Variants in ACOT2 observed in about 807,000 individuals in gnomAD.
ACOT2 encodes the protein acyl-coenzyme A thioesterase 2, mitochondrial.
ACOT2 carries 15 observed loss-of-function variants against 20.1 expected under a neutral mutation model. That is an observed-to-expected ratio of 0.75 (90% CI 0.50 to 1.15). The LOEUF (loss-of-function observed/expected upper bound fraction) is 1.15, where lower values mean the gene tolerates loss of function less well. ACOT2 is among the 50% of genes most tolerant of loss of function. The pLI, the probability that ACOT2 is intolerant of heterozygous loss-of-function variation, is 0.00. For missense variants in ACOT2, 479 were observed against 615.3 expected (o/e 0.78, Z 2.34); for synonymous variants, 252 against 268.4 (o/e 0.94, Z 0.60).
chr14:73,573,719 CACTTCTT>C (rs1187121558), intron 2 of ACOT2, 129 bp downstream of exon 2: 1 of 1,128,904 alleles, frequency 8.9e-7, no homozygotes, highest in African/African-American at 1.6e-5. Flanking sequence ...CTTTTTTAGT[CACTTCTT>C]ATAGACAGTT....
At chr14:73,569,998 T>G in intron 1 of ACOT2, 115 bp downstream of exon 1, 8 of 1,415,044 alleles carry the variant, frequency 5.7e-6, no homozygotes, top group Non-Finnish European at 7.4e-6. Context: ...CGGGCTATAT[T>G]GCCCAGGCAG....
In ACOT2 at chr14:73,575,414, G is replaced by A; in HGVS notation, c.1353G>A (p.Arg451=). ...CTATTATCTGGGGAGGGGAGCCCAGGGCTCATGCCATGGCTCAGGTGGATG... is the reference window on the plus strand; with the variant it reads ...CTATTATCTGGGGAGGGGAGCCCAGAGCTCATGCCATGGCTCAGGTGGATG... The part of the protein sequence containing the change: ...GSPIIWGGEP[R]AHAMAQVDAW... The change falls in exon 3 of 3, where the codon AGG becomes AGA. Residue 451 remains arginine, a synonymous_variant. Transcript: ENST00000238651. 1.5e-6 allele frequency: 2 copies of A among 1,337,250 alleles called. No individual in the cohort carries two copies. Among genetic ancestry groups the A allele is most frequent in the Non-Finnish European group, 2.0e-6 (2 of 997,324 alleles). The allele number at this position is 1,337,250 out of a possible 1,614,324, so 82.8% of individuals were successfully genotyped here.
upstream of ACOT2, chr14:73,568,105 A>G (rs1444698051): frequency 6.6e-6 from 1 of 152,094 alleles, no homozygotes; most frequent in Non-Finnish European, 1.5e-5. Flanking sequence ...CTAGGCACAG[A>G]ACATACTTGA....
In ACOT2 at chr14:73,574,559, G is replaced by A. The variant is rs539355321; in HGVS notation, c.847-349G>A. 2.0e-4 allele frequency among the ~76,000 whole-genome samples: 31 copies of A among 152,078 alleles called. 1 individual carries two copies. The highest frequency in any genetic ancestry group is 4.2e-4 in the South Asian group (2 of 4,806). On this transcript the variant is annotated intron_variant, in intron 2 of 2. Transcript: ENST00000238651. ...ATTACAGGCGTCAGCCACCACTCCCGGCCATGAGATGATGTACTTGTTGAT... is the reference window on the plus strand; with the variant it reads ...ATTACAGGCGTCAGCCACCACTCCCAGCCATGAGATGATGTACTTGTTGAT...
Position 73,573,852 on chromosome 14 carries a change from G to A in ACOT2, c.846+262G>A, listed in dbSNP as rs966235479. Among the ~76,000 whole-genome samples the A allele has an allele frequency of 7.2e-5, 11 of 151,858 alleles. No homozygotes were observed. The South Asian group carries it at 1.3e-3, about 17-fold the overall frequency. ...AGTGATTCTTGTGCCCCACCCTCCC[G>A]AGTAGTTGGGATTACAGGCACCTGC... is the stretch of plus-strand genomic sequence containing the variant. On this transcript the variant is annotated intron_variant, in intron 2 of 2. Transcript: ENST00000238651.
At chr14:73,572,813 T>G (rs1377998959) in intron 1 of ACOT2, among the ~76,000 whole-genome samples, 1 of 149,376 alleles carries the variant, frequency 6.7e-6, no homozygotes, top group Admixed American at 6.7e-5. Context: ...ACCCAGCTAA[T>G]TTTTGTATTT....
rs138474239 is a variant in ACOT2, at chr14:73,573,450, C to T, written c.706C>T (p.Arg236Trp). 190 of 1,613,688 alleles carry T rather than the reference C, an allele frequency of 1.2e-4. No homozygotes were observed. The highest frequency in any genetic ancestry group is 1.6e-4 in the Middle Eastern group (1 of 6,062). Residue 236 changes from arginine (R) to tryptophan (W), a missense_variant, in exon 2 of 3, where the codon CGG becomes TGG. Coordinates refer to ENST00000238651, the MANE Select transcript of ACOT2 (RefSeq NM_006821.6). Reference sequence around the variant, plus strand: ...AACTGGAGGTGGCCTGCTGGAGTATCGGGCTAGTCTGCTGGCTGGGAAGGG... The same window carrying T: ...AACTGGAGGTGGCCTGCTGGAGTATTGGGCTAGTCTGCTGGCTGGGAAGGG... ...FGTGGGLLEY[R>W]ASLLAGKGFA...
In ACOT2 at chr14:73,575,630, C is replaced by T; in HGVS notation, c.*117C>T. The stretch of plus-strand genomic sequence containing the variant: ...TTTAATAACTAAAGTTTTTTCCCCT[C>T]ATTATTAAAATGAATTTACCAGTAA... On this transcript the variant is annotated 3_prime_UTR_variant, in exon 3 of 3. Coordinates refer to ENST00000238651, the MANE Select transcript of ACOT2 (RefSeq NM_006821.6). 1.3e-6 allele frequency: 2 copies of T among 1,545,746 alleles called. No individual in the cohort carries two copies. Among genetic ancestry groups the T allele is most frequent in the Non-Finnish European group, 1.7e-6 (2 of 1,151,756 alleles).
At chr14:73,570,420 G>C (rs1042762815) in intron 1 of ACOT2, among the ~76,000 whole-genome samples, 1 of 151,780 alleles carries the variant, frequency 6.6e-6, no homozygotes, top group Non-Finnish European at 1.5e-5. Flanking sequence ...ATACAAAACA[G>C]TAGCTGGGCG....
chr14:73,575,483 C>G lies in ACOT2; in HGVS notation c.1422C>G (p.Gly474=), dbSNP rs577220887. The change falls in exon 3 of 3, where the codon GGC becomes GGG. Residue 474 remains glycine, a synonymous_variant. Coordinates refer to ENST00000238651, the MANE Select transcript of ACOT2 (RefSeq NM_006821.6). ...CTTTCTTCCACAAACACTTGGGTGG[C>G]CACGAGGGGACAATCCCATCAAAAG... The part of the protein sequence containing the change: ...LQTFFHKHLG[G]HEGTIPSKV The G allele has an allele frequency of 2.0e-4, 298 of 1,499,704 alleles. No individual in the cohort carries two copies. The African/African-American group carries it at 4.0e-3, about 20-fold the overall frequency. 92.9% of individuals were successfully genotyped at this position (1,499,704 alleles called of 1,614,324 possible). A position where few individuals can be genotyped will look rare whatever the true frequency, so the allele number is the denominator to read the frequency against.
intron 2 of ACOT2, among the ~76,000 whole-genome samples, chr14:73,574,120 C>G (rs1446290561): frequency 1.3e-5 from 2 of 151,734 alleles, no homozygotes; most frequent in Non-Finnish European, 2.9e-5. Context: ...ATCTGCCCAC[C>G]TTGGCCTCCC....
chr14:73,571,921 AATG>A (rs1436808693), intron 1 of ACOT2, among the ~76,000 whole-genome samples: 7 of 151,972 alleles, frequency 4.6e-5, no homozygotes, highest in African/African-American at 7.3e-5. Flanking sequence ...GTAAAAATGA[AATG>A]ATGCTTATCC....
chr14:73,569,117 T>A, upstream of ACOT2: 1 of 1,188,028 alleles, frequency 8.4e-7, no homozygotes. Context: ...ACAGGAGACT[T>A]TAAGCAAGTT....
chr14:73,568,753 A>G (rs1889648633), upstream of ACOT2, among the ~76,000 whole-genome samples: 1 of 152,026 alleles, frequency 6.6e-6, no homozygotes, highest in Non-Finnish European at 1.5e-5. Context: ...GGCTATTTTT[A>G]CACTTGTAAG....
chr14:73,572,436 A>C (rs1478872797), intron 1 of ACOT2, among the ~76,000 whole-genome samples: 1 of 152,014 alleles, frequency 6.6e-6, no homozygotes, highest in Non-Finnish European at 1.5e-5. Context: ...CATTCCATTT[A>C]GATACAATTC....
chr14:73,569,824 G>C lies in ACOT2; in HGVS notation c.584G>C (p.Gly195Ala). 1 of 1,600,808 alleles carries C rather than the reference G, an allele frequency of 6.2e-7. No individual in the cohort carries two copies. Among genetic ancestry groups the C allele is most frequent in the South Asian group, 1.1e-5 (1 of 90,078 alleles). The change falls in exon 1 of 3, where the codon GGG becomes GCG. Residue 195 changes from glycine (G) to alanine (A), a missense_variant. Transcript: ENST00000238651. ...CACGAGCGCTACTTCCTCCCGCCCGGGGTGCGGCGCGAGCCGGTGCGCGTG... is the reference window on the plus strand; with the variant it reads ...CACGAGCGCTACTTCCTCCCGCCCGCGGTGCGGCGCGAGCCGGTGCGCGTG... The part of the protein sequence containing the change: ...TRHERYFLPP[G>A]VRREPVRVGR...
At chr14:73,574,658 G>A (rs961952492) in intron 2 of ACOT2, among the ~76,000 whole-genome samples, 5 of 152,008 alleles carry the variant, frequency 3.3e-5, no homozygotes, top group South Asian at 2.1e-4. Context: ...TGGGAGATAC[G>A]AGATTAAGGA....
At chr14:73,570,085 G>A (rs1385989302) in intron 1 of ACOT2, among the ~76,000 whole-genome samples, 3 of 149,580 alleles carry the variant, frequency 2.0e-5, no homozygotes, top group African/African-American at 7.4e-5. Flanking sequence ...GAGCCACCGC[G>A]CCCGGCACTT....
In ACOT2 at chr14:73,569,797, G is replaced by A; in HGVS notation, c.557G>A (p.Arg186Gln). 3 of 1,603,550 alleles carry A rather than the reference G, an allele frequency of 1.9e-6. No individual in the cohort carries two copies. Among genetic ancestry groups the A allele is most frequent in the Non-Finnish European group, 2.6e-6 (3 of 1,176,080 alleles). ...PDPGRLLCQT[R>Q]HERYFLPPGV... Reference sequence around the variant, plus strand: ...CCCGGGCGGCTGCTGTGCCAGACGCGGCACGAGCGCTACTTCCTCCCGCCC... The same window carrying A: ...CCCGGGCGGCTGCTGTGCCAGACGCAGCACGAGCGCTACTTCCTCCCGCCC... The change falls in exon 1 of 3, where the codon CGG becomes CAG. Residue 186 changes from arginine (R) to glutamine (Q), a missense_variant. By Grantham distance (43) the Arg-to-Gln change is conservative. Transcript: ENST00000238651.
Sources: gnomAD v4.1 joint callset for allele counts (sites outside exome capture counted in the v4.1 genomes callset) on GRCh38, gnomAD v4.1.1 for gene constraint, MANE v1.5 for transcripts, NCBI Gene and HGNC (gene_info 2026-07-23, HGNC 2026-07-21) for gene names.